Variants in ZNF385B observed in about 807,000 individuals in gnomAD.
ZNF385B encodes zinc finger protein 385B, also known as zinc finger protein 533.
In ZNF385B, 23 loss-of-function variants were observed where a neutral mutation model predicts 39.2. The observed-to-expected ratio is 0.59, with a 90% CI of 0.42 to 0.83. ZNF385B has a LOEUF of 0.83. ZNF385B is among the 40% of genes least tolerant of loss of function. The pLI is 0.00. For missense variants in ZNF385B, 552 were observed against 598.9 expected (o/e 0.92, Z 0.82); for synonymous variants, 205 against 222.6 (o/e 0.92, Z 0.70).
At chr2:179,623,510 T>C (rs1047404450) in intron 3 of ZNF385B, among the ~76,000 whole-genome samples, 3 of 152,084 alleles carry the variant, frequency 2.0e-5, no homozygotes, top group African/African-American at 7.2e-5. Flanking sequence ...CCTGAACTAG[T>C]GATATCAAGA....
chr2:179,831,063 T>G (rs564032287), intron 1 of ZNF385B, among the ~76,000 whole-genome samples: 230 of 152,270 alleles, frequency 1.5e-3, no homozygotes, highest in African/African-American at 5.4e-3. Flanking sequence ...TTCAGGCAGT[T>G]AAAGATATGT....
At position 179,668,158 on chromosome 2, in the gene ZNF385B, CATG is replaced by C. The variant is rs1408210899; in HGVS notation, c.298+101342_298+101344del. On this transcript the variant is annotated intron_variant, in intron 3 of 9. Coordinates refer to ENST00000410066, the MANE Select transcript of ZNF385B (RefSeq NM_152520.6). ...TAATATGCATTAATATTAATGACACCATGATATTTAATAATTTCTACAACCTTC... is the reference window on the plus strand; with the variant it reads ...TAATATGCATTAATATTAATGACACCATATTTAATAATTTCTACAACCTTC... Among the ~76,000 whole-genome samples the C allele has an allele frequency of 1.3e-4, 20 of 152,246 alleles. No individual in the cohort carries two copies. In the East Asian group the frequency reaches 3.7e-3, roughly 28 times the overall value.
At chr2:179,516,681 T>C (rs1175076463) in intron 5 of ZNF385B, among the ~76,000 whole-genome samples, 1 of 152,120 alleles carries the variant, frequency 6.6e-6, no homozygotes, top group Non-Finnish European at 1.5e-5. Context: ...ATACAAATAC[T>C]TTCTAGTAGT....
intron 1 of ZNF385B, among the ~76,000 whole-genome samples, chr2:179,836,089 A>G (rs1708232734): frequency 6.6e-6 from 1 of 152,258 alleles, no homozygotes. Flanking sequence ...GCTAGGTTAA[A>G]TAAGTCAGTC....
intron 3 of ZNF385B, among the ~76,000 whole-genome samples, chr2:179,547,489 A>C (rs1433233534): frequency 6.7e-6 from 1 of 149,316 alleles, no homozygotes; most frequent in Non-Finnish European, 1.5e-5. Flanking sequence ...TCCTCTATGT[A>C]TATTTTTGAC....
In ZNF385B at chr2:179,652,941, C is replaced by T. The variant is rs191181179; in HGVS notation, c.299-107972G>A. Among the ~76,000 whole-genome samples the T allele has an allele frequency of 8.0e-4, 122 of 151,716 alleles. 2 individuals are homozygous for T. The South Asian group carries it at 0.024, about 29-fold the overall frequency. ...TTAGGCAGGGAAAAAAAAATTGAGA[C>T]GTAAACTGCTTAAGGACAGGGTTCT... On this transcript the variant is annotated intron_variant, in intron 3 of 9. Coordinates refer to ENST00000410066, the MANE Select transcript of ZNF385B (RefSeq NM_152520.6).
In ZNF385B at chr2:179,450,696, T is replaced by C. The variant is rs1400852479; in HGVS notation, c.716-3926A>G. On this transcript the variant is annotated intron_variant, in intron 6 of 9. Coordinates refer to ENST00000410066, the MANE Select transcript of ZNF385B (RefSeq NM_152520.6). Reference sequence around the variant, plus strand: ...CCATTGTGGAAGTCAGTGTGGCGATTCCTCAGGGATCTAGAACTAGAAATA... The same window carrying C: ...CCATTGTGGAAGTCAGTGTGGCGATCCCTCAGGGATCTAGAACTAGAAATA... Among the ~76,000 whole-genome samples the C allele has an allele frequency of 3.3e-5, 5 of 152,190 alleles. No individual in the cohort carries two copies. In the East Asian group the frequency reaches 5.8e-4, roughly 18 times the overall value.
Position 179,716,359 on chromosome 2 carries a change from T to G in ZNF385B, c.298+53144A>C, listed in dbSNP as rs1157790609. Among the ~76,000 whole-genome samples the G allele has an allele frequency of 3.9e-5, 6 of 152,316 alleles. No individual in the cohort carries two copies. In the South Asian group the frequency reaches 1.2e-3, roughly 32 times the overall value. On this transcript the variant is annotated intron_variant, in intron 3 of 9. Coordinates refer to ENST00000410066, the MANE Select transcript of ZNF385B (RefSeq NM_152520.6). The stretch of plus-strand genomic sequence containing the variant: ...TATGTCTTCAATAAATCTTACATGC[T>G]TATAAATCTATGTGTAATCCCTGAC...
chr2:179,474,054 G>A (rs551983310), intron 6 of ZNF385B, among the ~76,000 whole-genome samples: 4 of 151,976 alleles, frequency 2.6e-5, no homozygotes, highest in South Asian at 4.2e-4. Flanking sequence ...AATGGCACTC[G>A]GGAATCATAC....
intron 6 of ZNF385B, among the ~76,000 whole-genome samples, chr2:179,478,248 C>A (rs970408854): frequency 1.3e-5 from 2 of 151,344 alleles, no homozygotes; most frequent in Admixed American, 6.6e-5. Flanking sequence ...ATATATCCAA[C>A]AATGACAATA....
intron 6 of ZNF385B, 113 bp downstream of exon 6, chr2:179,483,159 C>T (rs2054185182): frequency 1.6e-6 from 2 of 1,213,056 alleles, no homozygotes; most frequent in African/African-American, 1.5e-5. Flanking sequence ...ATATTAATAT[C>T]ACAAAAACAA....
At chr2:179,468,693 C>T (rs2052392849) in intron 6 of ZNF385B, among the ~76,000 whole-genome samples, 1 of 152,164 alleles carries the variant, frequency 6.6e-6, no homozygotes, top group Non-Finnish European at 1.5e-5. Context: ...AGGGTTTTAG[C>T]TTTGATACTT....
intron 3 of ZNF385B, among the ~76,000 whole-genome samples, chr2:179,602,790 C>G (rs936344136): frequency 6.6e-6 from 1 of 152,204 alleles, no homozygotes; most frequent in African/African-American, 2.4e-5. Context: ...TCAAATGTTA[C>G]ATTAGAGAAC....
At chr2:179,663,737 A>AAAAAAAAC (rs1559052895) in intron 3 of ZNF385B, among the ~76,000 whole-genome samples, 1 of 151,370 alleles carries the variant, frequency 6.6e-6, no homozygotes, top group African/African-American at 2.4e-5. Flanking sequence ...AAAAAAAAAA[A>AAAAAAAAC]ATCTCATGAA....
At chr2:179,517,908 C>T (rs957820051) in intron 5 of ZNF385B, among the ~76,000 whole-genome samples, 7 of 152,070 alleles carry the variant, frequency 4.6e-5, no homozygotes, top group African/African-American at 9.7e-5. Context: ...GAAACTTTCT[C>T]TATATTTTAT....
intron 3 of ZNF385B, among the ~76,000 whole-genome samples, chr2:179,749,812 C>T (rs1042625496): frequency 6.6e-6 from 1 of 152,102 alleles, no homozygotes; most frequent in Non-Finnish European, 1.5e-5. Context: ...AGTTTCCACA[C>T]TGAAAGGTGT....
intron 3 of ZNF385B, among the ~76,000 whole-genome samples, chr2:179,670,900 C>T (rs1695897323): frequency 6.6e-6 from 1 of 152,170 alleles, no homozygotes; most frequent in Non-Finnish European, 1.5e-5. Context: ...GTCAGAATAA[C>T]TGGACTTAGT....
chr2:179,595,140 T>A (rs967606703), intron 3 of ZNF385B, among the ~76,000 whole-genome samples: 16 of 152,192 alleles, frequency 1.1e-4, no homozygotes, highest in Admixed American at 9.8e-4. Context: ...AAATGAAAAC[T>A]ATCACTTAAA....
chr2:179,791,638 T>C (rs1705331535), intron 1 of ZNF385B, among the ~76,000 whole-genome samples: 1 of 152,250 alleles, frequency 6.6e-6, no homozygotes, highest in African/African-American at 2.4e-5. Flanking sequence ...TTTAATGCAG[T>C]ATTTTTAGAC....
Sources: gnomAD v4.1 joint callset for allele counts (sites outside exome capture counted in the v4.1 genomes callset) on GRCh38, gnomAD v4.1.1 for gene constraint, MANE v1.5 for transcripts, NCBI Gene and HGNC (gene_info 2026-07-23, HGNC 2026-07-21) for gene names.